The following MRPL44 variants were observed in gnomAD, a reference collection of about 807,000 sequenced individuals.
MRPL44 encodes the protein mitochondrial ribosomal protein L44, also known as large ribosomal subunit protein mL44.
In MRPL44, 21 loss-of-function variants were observed where a neutral mutation model predicts 25.9. The observed-to-expected ratio is 0.81, with a 90% confidence interval of 0.58 to 1.17. The LOEUF (loss-of-function observed/expected upper bound fraction) is 1.17, where lower values mean the gene tolerates loss of function less well. Among genes scored for constraint, MRPL44 ranks in the 50% most tolerant of loss-of-function variants. The pLI is 0.00. For missense variants in MRPL44, 410 were observed against 398.9 expected, an observed-to-expected ratio of 1.03 and a Z score of -0.24; for synonymous variants, 169 against 151.0, an observed-to-expected ratio of 1.12 and a Z score of -0.87.
In MRPL44 at chr2:223,959,606, C is replaced by T; in HGVS notation, c.252C>T (p.Ser84=). ...AFGHRLQENF[S]LDLLKTAFVN... Reference sequence around the variant, plus strand: ...GACATCGGTTACAGGAAAACTTTTCCTTAGATCTTCTCAAAACTGCATTTG... The same window carrying T: ...GACATCGGTTACAGGAAAACTTTTCTTTAGATCTTCTCAAAACTGCATTTG... The change falls in exon 2 of 4, where the codon TCC becomes TCT. Residue 84 remains serine, a synonymous_variant. Transcript: ENST00000258383. 2 of 1,614,124 alleles carry T rather than the reference C, an allele frequency of 1.2e-6. No homozygotes were observed. The highest frequency in any genetic ancestry group is 2.2e-5 in the South Asian group (2 of 91,072).
chr2:223,955,950 A>G (rs1689557537), upstream of MRPL44, among the ~76,000 whole-genome samples: 1 of 152,232 alleles, frequency 6.6e-6, no homozygotes, highest in Non-Finnish European at 1.5e-5. Context: ...TTGAGGACCT[A>G]CATTTTTTTA....
chr2:223,957,465 C>G lies in MRPL44; in HGVS notation c.-8C>G, dbSNP rs1449331083. On this transcript the variant is annotated 5_prime_UTR_variant, in exon 1 of 4. Transcript: ENST00000258383. Reference sequence around the variant, plus strand: ...TTCGTTCCGTCTTCCATCGTTTTCTCTCGTGCAATGGCGTCCGGGCTGGTA... The same window carrying G: ...TTCGTTCCGTCTTCCATCGTTTTCTGTCGTGCAATGGCGTCCGGGCTGGTA... 3.1e-6 allele frequency: 5 copies of G among 1,614,156 alleles called. No homozygotes were observed. Among genetic ancestry groups the G allele is most frequent in the East Asian group, 4.5e-5 (2 of 44,884 alleles).
chr2:223,963,184 C>T (rs1291185076), intron 2 of MRPL44, among the ~76,000 whole-genome samples: 1 of 152,034 alleles, frequency 6.6e-6, no homozygotes, highest in Non-Finnish European at 1.5e-5. Context: ...TGACTAATGC[C>T]TGTAATTCCA....
At chr2:223,966,344 C>G (rs1689741101) in intron 3 of MRPL44, among the ~76,000 whole-genome samples, 1 of 152,028 alleles carries the variant, frequency 6.6e-6, no homozygotes, top group South Asian at 2.1e-4. Flanking sequence ...AAATGACAGA[C>G]TCAAAAGGCA....
At chr2:223,954,128 C>G (rs1457415803), upstream of MRPL44, among the ~76,000 whole-genome samples, 1 of 152,164 alleles carries the variant, frequency 6.6e-6, no homozygotes, top group Non-Finnish European at 1.5e-5. Context: ...AAGGGTCAGG[C>G]AGCTTTCACT....
chr2:223,966,387 T>G (rs1358289062), intron 3 of MRPL44, among the ~76,000 whole-genome samples: 1 of 152,220 alleles, frequency 6.6e-6, no homozygotes, highest in East Asian at 1.9e-4. Flanking sequence ...TCCCAAGTTA[T>G]ATCACACATT....
chr2:223,951,494 T>TTTTTTTTTTTTA, the MRPL44 span, among the ~76,000 whole-genome samples: 1 of 148,534 alleles, frequency 6.7e-6, no homozygotes, highest in Admixed American at 6.7e-5. Flanking sequence ...TTTTTTTTTT[T>TTTTTTTTTTTTA]TTTCAGACAG....
chr2:223,966,764 T>C (rs746017314), intron 3 of MRPL44, 99 bp from the exon 4 acceptor site: 4 of 1,036,608 alleles, frequency 3.9e-6, no homozygotes, highest in East Asian at 2.4e-5. Context: ...ATGGGTATTA[T>C]TGAAATAGAT....
At position 223,967,682 on chromosome 2, in the gene MRPL44, A is replaced by C. The variant is rs1689767299; in HGVS notation, c.*648A>C. ...TATCTTATGTGAATTTTTTGCTGTA[A>C]TACCAATAAAGTTTTTTTTCTCCAC... On this transcript the variant is annotated 3_prime_UTR_variant, in exon 4 of 4. Transcript: ENST00000258383. 6.6e-6 allele frequency: 1 copy of C among 152,108 alleles called. No individual in the cohort carries two copies. The highest frequency in any genetic ancestry group is 2.4e-5 in the African/African-American group (1 of 41,422). 9.4% of individuals were successfully genotyped at this position (152,108 alleles called of 1,614,324 possible). A position where few individuals can be genotyped will look rare whatever the true frequency, so the allele number is the denominator to read the frequency against.
Position 223,966,907 on chromosome 2 carries a change from T to G in MRPL44, c.872T>G (p.Val291Gly). 6.2e-7 allele frequency: 1 copy of G among 1,614,202 alleles called. No individual in the cohort carries two copies. The highest frequency in any genetic ancestry group is 8.5e-7 in the Non-Finnish European group (1 of 1,180,032). Reference sequence around the variant, plus strand: ...GAAGGACCTGGGGAAACAGTATTGGTTGCAGAAGAAGAGGCTGCTCGAGTG... The same window carrying G: ...GAAGGACCTGGGGAAACAGTATTGGGTGCAGAAGAAGAGGCTGCTCGAGTG... The part of the protein sequence containing the change: ...IAEGPGETVL[V>G]AEEEAARVAL... Residue 291 changes from valine (V) to glycine (G), a missense_variant, in exon 4 of 4, where the codon GTT (valine) becomes GGT (glycine). By Grantham distance (109) the Val-to-Gly change is moderately radical. Transcript: ENST00000258383.
At position 223,959,489 on chromosome 2, in the gene MRPL44, A is replaced by G. The variant is rs368608148; in HGVS notation, c.180-45A>G. On this transcript the variant is annotated intron_variant, in intron 1 of 3. Transcript: ENST00000258383. ...AGTGAACAATTTTTATATCACAGTA[A>G]CAGGTTGTTCTCTTTACCATCTCTT... The G allele has an allele frequency of 1.4e-5, 20 of 1,410,898 alleles. No homozygotes were observed. The African/African-American group carries it at 2.9e-4, about 20-fold the overall frequency. 87.4% of individuals were successfully genotyped at this position (1,410,898 alleles called of 1,614,324 possible).
At chr2:223,962,303 T>C (rs1319648768) in intron 2 of MRPL44, among the ~76,000 whole-genome samples, 3 of 152,106 alleles carry the variant, frequency 2.0e-5, no homozygotes, top group Admixed American at 6.6e-5. Flanking sequence ...GCTGGGATTA[T>C]AGGTATCAGC....
Position 223,959,900 on chromosome 2 carries a change from A to G in MRPL44, c.546A>G (p.Glu182=), listed in dbSNP as rs11546405. 0.12 allele frequency: 198,648 copies of G among 1,614,104 alleles called. 13,553 individuals carry two copies. The highest frequency in any genetic ancestry group is 0.14 in the Non-Finnish European group (168,789 of 1,179,968). The change falls in exon 2 of 4, where the codon GAA becomes GAG. Residue 182 remains glutamate (E), a synonymous_variant. Coordinates refer to ENST00000258383, the MANE Select transcript of MRPL44 (RefSeq NM_022915.5). The stretch of plus-strand genomic sequence containing the variant: ...CTGTGGAGCAGTTAACACTGAGTGA[A>G]GAATTCCCAGTGCCCCCAGCTGTGT... The part of the protein sequence containing the change: ...NLAVEQLTLS[E]EFPVPPAVLQ...
chr2:223,961,375 AGAGAT>A (rs758554939), intron 2 of MRPL44, among the ~76,000 whole-genome samples: 8 of 152,268 alleles, frequency 5.3e-5, no homozygotes, highest in Non-Finnish European at 1.0e-4. Flanking sequence ...CAAAGTGATC[AGAGAT>A]AAGTCTGGAC....
chr2:223,962,378 T>C (rs1212499627), intron 2 of MRPL44, among the ~76,000 whole-genome samples: 4 of 152,200 alleles, frequency 2.6e-5, no homozygotes, highest in Non-Finnish European at 5.9e-5. Context: ...TGGAGGAGTG[T>C]TGTAATGAAT....
upstream of MRPL44, among the ~76,000 whole-genome samples, chr2:223,954,797 C>T (rs139324204): frequency 9.3e-4 from 141 of 152,254 alleles, 2 homozygotes; most frequent in East Asian, 0.026. Context: ...AATCCCAGCA[C>T]AATGTGAGAG....
chr2:223,957,390 CGTTCCGG>C, upstream of MRPL44: 1 of 1,559,492 alleles, frequency 6.4e-7, no homozygotes, highest in Non-Finnish European at 8.8e-7. Context: ...TCGCGTTCCG[CGTTCCGG>C]GTTCCGGGGG....
chr2:223,957,426 C>T (rs750734161), upstream of MRPL44: 2 of 1,610,034 alleles, frequency 1.2e-6, no homozygotes, highest in Non-Finnish European at 1.7e-6. Context: ...TACGGGGACA[C>T]TGGCCCGACT....
chr2:223,963,222 T>A (rs1037132352), intron 2 of MRPL44, among the ~76,000 whole-genome samples: 1 of 152,024 alleles, frequency 6.6e-6, no homozygotes, highest in Non-Finnish European at 1.5e-5. Context: ...GGCAGGAGGA[T>A]CCTTTGAGGC....
Sources: gnomAD v4.1 joint callset for allele counts (sites outside exome capture counted in the v4.1 genomes callset) on GRCh38, gnomAD v4.1.1 for gene constraint, MANE v1.5 for transcripts, NCBI Gene and HGNC (gene_info 2026-07-23, HGNC 2026-07-21) for gene names.